Variants in CGNL1 observed in about 807,000 individuals in gnomAD.
The protein encoded by CGNL1 is cingulin like 1, also known as cingulin-like protein 1.
CGNL1 carries 132 observed loss-of-function variants against 141.2 expected under a neutral mutation model. That is an observed-to-expected ratio of 0.93 (90% confidence interval 0.81 to 1.08). The LOEUF (loss-of-function observed/expected upper bound fraction) is 1.08. Ranked by LOEUF, CGNL1 falls within the 50% of genes least tolerant of loss-of-function variation. The pLI, the probability that CGNL1 is intolerant of heterozygous loss-of-function variation, is 0.00. For missense variants in CGNL1, 1,870 were observed against 1,588.6 expected, an observed-to-expected ratio of 1.18 and a Z score of -3.01; for synonymous variants, 690 against 622.1, an observed-to-expected ratio of 1.11 and a Z score of -1.63.
rs1309932410 is a variant in CGNL1, at chr15:57,453,248, C to T, written c.2055-435C>T. On this transcript the variant is annotated intron_variant, in intron 6 of 18. Coordinates refer to ENST00000281282, the MANE Select transcript of CGNL1 (RefSeq NM_032866.5). ...ATGACCATGTTCCAGTAAAACTTTA[C>T]ACTAACAGGCAGTGGGCTGAACTGG... 2.6e-5 allele frequency among the ~76,000 whole-genome samples: 4 copies of T among 152,110 alleles called. No homozygotes were observed. The East Asian group carries it at 7.7e-4, about 29-fold the overall frequency.
intron 8 of CGNL1, among the ~76,000 whole-genome samples, chr15:57,476,767 T>G (rs1452400859): frequency 6.6e-6 from 1 of 152,200 alleles, no homozygotes; most frequent in Non-Finnish European, 1.5e-5. Flanking sequence ...ATTAGTTTAG[T>G]TTCATGAAAG....
rs1349848682 is a variant in CGNL1, at chr15:57,464,755, C to CT, written c.2403+2875dup. On this transcript the variant is annotated intron_variant, in intron 8 of 18. Coordinates refer to ENST00000281282, the MANE Select transcript of CGNL1 (RefSeq NM_032866.5). ...CTTCTTTCTTTCTTTCTCTTTCCTT[C>CT]TTTTTTTTTTTTGAGATGGAGTCTT... is the stretch of plus-strand genomic sequence containing the variant. Among the ~76,000 whole-genome samples the CT allele has an allele frequency of 4.0e-3, 384 of 97,092 alleles. 5 individuals carry two copies. The highest frequency in any genetic ancestry group is 0.013 in the South Asian group (38 of 3,026). 63.7% of individuals were successfully genotyped at this position (97,092 alleles called of 152,430 possible).
At chr15:57,448,192 C>G (rs1459914450) in intron 4 of CGNL1, among the ~76,000 whole-genome samples, 3 of 152,100 alleles carry the variant, frequency 2.0e-5, no homozygotes, top group Non-Finnish European at 4.4e-5. Context: ...TGCTTGTAGT[C>G]ATAACTGCTC....
At chr15:57,428,193 A>T (rs2063001141) in intron 1 of CGNL1, among the ~76,000 whole-genome samples, 1 of 152,236 alleles carries the variant, frequency 6.6e-6, no homozygotes, top group Non-Finnish European at 1.5e-5. Flanking sequence ...GGACATGGTG[A>T]CATGCTGTGG....
chr15:57,451,000 G>T (rs2063315632), intron 4 of CGNL1, among the ~76,000 whole-genome samples: 2 of 112,360 alleles, frequency 1.8e-5, no homozygotes, highest in South Asian at 8.1e-4. Flanking sequence ...AAGCTAAACT[G>T]TATTCTGCCA....
chr15:57,394,444 C>G (rs116972642), intron 1 of CGNL1, among the ~76,000 whole-genome samples: 1 of 152,018 alleles, frequency 6.6e-6, no homozygotes, highest in Non-Finnish European at 1.5e-5. Flanking sequence ...TTTATAGTAA[C>G]GCTATTGATT....
intron 1 of CGNL1, among the ~76,000 whole-genome samples, chr15:57,378,603 A>T (rs2062392943): frequency 6.6e-6 from 1 of 151,640 alleles, no homozygotes. Context: ...GGCTGTTCTC[A>T]AACTCCTGAC....
intron 1 of CGNL1, among the ~76,000 whole-genome samples, chr15:57,393,120 C>G (rs1401791717): frequency 6.6e-6 from 1 of 152,146 alleles, no homozygotes; most frequent in South Asian, 2.1e-4. Flanking sequence ...TTACATTGTG[C>G]CATAGTCTTA....
chr15:57,441,861 G>T (rs2063191219), intron 3 of CGNL1, among the ~76,000 whole-genome samples: 1 of 151,978 alleles, frequency 6.6e-6, no homozygotes, highest in Admixed American at 6.6e-5. Flanking sequence ...CCAGACAAAG[G>T]GCTGCCATGC....
At chr15:57,483,883 T>C (rs1035053539) in intron 8 of CGNL1, among the ~76,000 whole-genome samples, 1 of 152,214 alleles carries the variant, frequency 6.6e-6, no homozygotes, top group Non-Finnish European at 1.5e-5. Flanking sequence ...GATATGATCA[T>C]GTGATTTTTC....
At chr15:57,477,456 CAGTG>C (rs1285938008) in intron 8 of CGNL1, 5 of 152,140 alleles carry the variant, frequency 3.3e-5, no homozygotes, top group African/African-American at 1.2e-4. Flanking sequence ...GGAAAATAGG[CAGTG>C]AGGTTGTCCG....
intron 1 of CGNL1, among the ~76,000 whole-genome samples, chr15:57,421,489 G>A (rs941230374): frequency 6.6e-6 from 1 of 152,038 alleles, no homozygotes; most frequent in Admixed American, 6.5e-5. Flanking sequence ...TGTTCTTGGT[G>A]GTGCATTTAG....
chr15:57,497,961 G>T (rs551251138), intron 8 of CGNL1, among the ~76,000 whole-genome samples: 7 of 152,184 alleles, frequency 4.6e-5, no homozygotes, highest in Admixed American at 1.3e-4. Context: ...GATCAGAGGT[G>T]GGGATGGTCT....
chr15:57,536,973 T>A (rs1051649950), intron 14 of CGNL1, among the ~76,000 whole-genome samples: 1 of 152,214 alleles, frequency 6.6e-6, no homozygotes, highest in African/African-American at 2.4e-5. Context: ...AGGAGTTAAG[T>A]TCAGCTGATC....
At position 57,439,374 on chromosome 15, in the gene CGNL1, T is replaced by C; in HGVS notation, c.1375T>C (p.Ser459Pro). The C allele has an allele frequency of 6.2e-7, 1 of 1,614,110 alleles. No individual in the cohort carries two copies. The highest frequency in any genetic ancestry group is 8.5e-7 in the Non-Finnish European group (1 of 1,180,022). Residue 459 changes from serine to proline, a missense_variant, in exon 2 of 19, where the codon TCC becomes CCC. Physicochemically the swap from Ser to Pro is moderately conservative, Grantham distance 74. Coordinates refer to ENST00000281282, the MANE Select transcript of CGNL1 (RefSeq NM_032866.5). Reference protein sequence around the residue: ...GAAHGASCAHSRPPQPNIDGK... With the variant: ...GAAHGASCAHPRPPQPNIDGK... ...AGCGCACGGGGCTTCATGTGCCCAC[T>C]CCAGGCCTCCCCAGCCGAACATAGA...
chr15:57,506,782 T>C (rs1483817043), intron 8 of CGNL1, among the ~76,000 whole-genome samples: 1 of 152,240 alleles, frequency 6.6e-6, no homozygotes, highest in Non-Finnish European at 1.5e-5. Context: ...ACTATGTGTC[T>C]GAAACATTGC....
At position 57,452,595 on chromosome 15, in the gene CGNL1, A is replaced by G. The variant is rs188183984; in HGVS notation, c.2054+306A>G. ...AGGGAGCACTGAGCGCTGATACTGA[A>G]AGACAGAGTTCAAGGAGCCTGGGCC... On this transcript the variant is annotated intron_variant, in intron 6 of 18. Coordinates refer to ENST00000281282, the MANE Select transcript of CGNL1 (RefSeq NM_032866.5). 3.7e-3 allele frequency among the ~76,000 whole-genome samples: 556 copies of G among 152,266 alleles called. 3 individuals are homozygous for G. Among genetic ancestry groups the G allele is most frequent in the African/African-American group, 0.013 (535 of 41,562 alleles).
intron 8 of CGNL1, among the ~76,000 whole-genome samples, chr15:57,512,996 T>C (rs1228659143): frequency 1.3e-5 from 2 of 152,064 alleles, no homozygotes; most frequent in African/African-American, 4.8e-5. Flanking sequence ...ATATAGCATA[T>C]AATTCATATA....
intron 1 of CGNL1, among the ~76,000 whole-genome samples, chr15:57,437,521 T>G (rs1488210694): frequency 6.6e-6 from 1 of 150,966 alleles, no homozygotes; most frequent in Non-Finnish European, 1.5e-5. Flanking sequence ...CTCTTAATTA[T>G]TTTCATGGAA....
Sources: gnomAD v4.1 joint callset for allele counts (sites outside exome capture counted in the v4.1 genomes callset) on GRCh38, gnomAD v4.1.1 for gene constraint, MANE v1.5 for transcripts, NCBI Gene and HGNC (gene_info 2026-07-23, HGNC 2026-07-21) for gene names.